Variants in PDGFC observed in about 807,000 individuals in gnomAD.
PDGFC encodes the protein platelet-derived growth factor C.
In PDGFC, 12 loss-of-function variants were observed where a neutral mutation model predicts 35.5. The observed-to-expected ratio is 0.34, with a 90% confidence interval of 0.22 to 0.55. The LOEUF (loss-of-function observed/expected upper bound fraction) is 0.55, where lower values mean the gene tolerates loss of function less well. Ranked by LOEUF, PDGFC falls within the 20% of genes least tolerant of loss-of-function variation. The probability of loss-of-function intolerance (pLI) is 0.91; values close to 1 mark genes in which losing one functional copy is unlikely to be tolerated. For missense variants in PDGFC, 322 were observed against 412.4 expected, an observed-to-expected ratio of 0.78 and a Z score of 1.90; for synonymous variants, 159 against 148.8, an observed-to-expected ratio of 1.07 and a Z score of -0.50.
chr4:156,900,571 TG>T (rs1730742850), intron 1 of PDGFC, among the ~76,000 whole-genome samples: 1 of 152,062 alleles, frequency 6.6e-6, no homozygotes, highest in Non-Finnish European at 1.5e-5. Flanking sequence ...GCGGGTGGGG[TG>T]GCTCACACCT....
At chr4:156,845,808 T>C (rs1729313204) in intron 2 of PDGFC, among the ~76,000 whole-genome samples, 2 of 151,884 alleles carry the variant, frequency 1.3e-5, no homozygotes, top group African/African-American at 4.8e-5. Flanking sequence ...TTACTTAATA[T>C]CTACAGAGAA....
At position 156,848,839 on chromosome 4, in the gene PDGFC, T is replaced by C. The variant is rs76994574; in HGVS notation, c.314+1382A>G. Among the ~76,000 whole-genome samples, 2,967 of 152,108 alleles carry C rather than the reference T, an allele frequency of 0.02. 172 individuals carry two copies. The East Asian group carries it at 0.21, about 11-fold the overall frequency. ...AGGAATATGGGTAGCTGGTGTCACA[T>C]GGCTCTCTTGGTGTTAACCTGTGGG... On this transcript the variant is annotated intron_variant, in intron 2 of 5. Transcript: ENST00000502773.
chr4:156,873,770 C>G (rs1239772114), intron 1 of PDGFC: 1 of 152,176 alleles, frequency 6.6e-6, no homozygotes, highest in African/African-American at 2.4e-5. Context: ...CCAGAACAGT[C>G]CTTGGACTTA....
chr4:156,789,332 T>A (rs1731224300), intron 3 of PDGFC, among the ~76,000 whole-genome samples: 1 of 152,224 alleles, frequency 6.6e-6, no homozygotes, highest in South Asian at 2.1e-4. Context: ...TTGAAAACTC[T>A]TTGCCTCTGA....
intron 1 of PDGFC, among the ~76,000 whole-genome samples, chr4:156,963,184 C>T (rs888529489): frequency 5.9e-5 from 9 of 151,994 alleles, no homozygotes; most frequent in African/African-American, 2.2e-4. Flanking sequence ...AGAAAAAAAG[C>T]CGGCTGGGCA....
intron 3 of PDGFC, among the ~76,000 whole-genome samples, chr4:156,800,090 A>G (rs1047705440): frequency 2.6e-5 from 4 of 152,164 alleles, no homozygotes; most frequent in African/African-American, 7.2e-5. Context: ...GTCTGATTTT[A>G]AAGAGAACTC....
chr4:156,920,472 C>T (rs928859713), intron 1 of PDGFC, among the ~76,000 whole-genome samples: 1 of 152,062 alleles, frequency 6.6e-6, no homozygotes. Flanking sequence ...CCTCCAAAGT[C>T]GATCCTCTCT....
intron 1 of PDGFC, among the ~76,000 whole-genome samples, chr4:156,864,380 C>T (rs1369359948): frequency 6.6e-6 from 1 of 151,974 alleles, no homozygotes; most frequent in African/African-American, 2.4e-5. Flanking sequence ...TATATGAGAT[C>T]CCTGAAATAA....
chr4:156,767,257 G>A (rs901934182), intron 5 of PDGFC, among the ~76,000 whole-genome samples: 1 of 151,932 alleles, frequency 6.6e-6, no homozygotes, highest in African/African-American at 2.4e-5. Flanking sequence ...AGAGATGAAA[G>A]GTTAAAACAT....
In PDGFC at chr4:156,771,776, C is replaced by G. The variant is rs564085603; in HGVS notation, c.703+910G>C. ...TGGCTCAAATTAACCGAACATTATT[C>G]CTTTCATATAAATTCTCTAGGCTGT... is the stretch of plus-strand genomic sequence containing the variant. On this transcript the variant is annotated intron_variant, in intron 4 of 5. Transcript: ENST00000502773. 3.9e-5 allele frequency among the ~76,000 whole-genome samples: 6 copies of G among 152,262 alleles called. No homozygotes were observed. The South Asian group carries it at 1.2e-3, about 32-fold the overall frequency.
intron 2 of PDGFC, among the ~76,000 whole-genome samples, chr4:156,849,032 C>G (rs1282650257): frequency 6.6e-6 from 1 of 151,794 alleles, no homozygotes; most frequent in East Asian, 1.9e-4. Context: ...AATCTTACAC[C>G]CCTTGCAATT....
intron 1 of PDGFC, among the ~76,000 whole-genome samples, chr4:156,885,121 G>A (rs545216370): frequency 1.3e-5 from 2 of 151,040 alleles, no homozygotes; most frequent in South Asian, 2.1e-4. Context: ...TAGAATATGG[G>A]GAGAAAAATA....
intron 1 of PDGFC, among the ~76,000 whole-genome samples, chr4:156,942,157 AG>A (rs1379058243): frequency 1.3e-5 from 2 of 152,102 alleles, no homozygotes. Context: ...GCATGTTCTC[AG>A]TGGAGAGCAT....
intron 1 of PDGFC, among the ~76,000 whole-genome samples, chr4:156,912,938 T>C (rs1731073020): frequency 6.6e-6 from 1 of 152,102 alleles, no homozygotes; most frequent in Non-Finnish European, 1.5e-5. Context: ...TTTTTATGAT[T>C]ATAGTCTTTT....
intron 1 of PDGFC, among the ~76,000 whole-genome samples, chr4:156,946,774 CA>C (rs771809305): frequency 2.6e-5 from 4 of 152,072 alleles, no homozygotes; most frequent in Non-Finnish European, 4.4e-5. Flanking sequence ...TCACTTAGAC[CA>C]GAAGGAGAGG....
At chr4:156,865,187 C>T (rs1191302376) in intron 1 of PDGFC, among the ~76,000 whole-genome samples, 1 of 60,716 alleles carries the variant, frequency 1.6e-5, no homozygotes, top group East Asian at 4.2e-4. Context: ...GATACATGTG[C>T]ACACACACAC....
At position 156,760,513 on chromosome 4, in the gene PDGFC, C is replaced by T. The variant is rs1560799566; in HGVS notation, c.*2577G>A. On this transcript the variant is annotated 3_prime_UTR_variant, in exon 6 of 6. Coordinates refer to ENST00000502773, the MANE Select transcript of PDGFC (RefSeq NM_016205.3). ...TCACTGGGCAAAACAGCCCATGTCTCAAGGACAAAGGCTTGAAACAGATAT... is the reference window on the plus strand; with the variant it reads ...TCACTGGGCAAAACAGCCCATGTCTTAAGGACAAAGGCTTGAAACAGATAT... 1 of 152,182 alleles carries T rather than the reference C, an allele frequency of 6.6e-6. No homozygotes were observed. The highest frequency in any genetic ancestry group is 1.5e-5 in the Non-Finnish European group (1 of 68,018). 9.4% of individuals were successfully genotyped at this position (152,182 alleles called of 1,614,324 possible).
intron 2 of PDGFC, among the ~76,000 whole-genome samples, chr4:156,842,817 C>G (rs575421609): frequency 6.6e-6 from 1 of 152,324 alleles, no homozygotes; most frequent in Admixed American, 6.5e-5. Flanking sequence ...TTTTCAGTAA[C>G]TGTTCGTGAG....
chr4:156,909,462 A>G (rs1730990178), intron 1 of PDGFC, among the ~76,000 whole-genome samples: 1 of 152,220 alleles, frequency 6.6e-6, no homozygotes, highest in Non-Finnish European at 1.5e-5. Flanking sequence ...CCAGAAATAC[A>G]AACACATTTG....
Sources: gnomAD v4.1 joint callset for allele counts (sites outside exome capture counted in the v4.1 genomes callset) on GRCh38, gnomAD v4.1.1 for gene constraint, MANE v1.5 for transcripts, NCBI Gene and HGNC (gene_info 2026-07-23, HGNC 2026-07-21) for gene names.